SKAP1: variants seen among roughly 807,000 people sequenced by gnomAD.
The protein encoded by SKAP1 is src kinase associated phosphoprotein 1.
SKAP1 carries 44 observed loss-of-function variants against 58.5 expected under a neutral mutation model. That is an observed-to-expected ratio of 0.75 (90% CI 0.59 to 0.97). The LOEUF (loss-of-function observed/expected upper bound fraction) is 0.97. Ranked by LOEUF, SKAP1 falls within the 50% of genes least tolerant of loss-of-function variation. SKAP1 has a pLI of 0.00. For missense variants in SKAP1, 390 were observed against 435.2 expected, an observed-to-expected ratio of 0.90 and a Z score of 0.92; for synonymous variants, 127 against 149.7, an observed-to-expected ratio of 0.85 and a Z score of 1.11.
intron 6 of SKAP1, among the ~76,000 whole-genome samples, chr17:48,186,454 TTTTATTTA>T (rs58026898): frequency 0.26 from 37,880 of 148,414 alleles, 5,514 homozygotes; most frequent in African/African-American, 0.39. Flanking sequence ...AAGCTGCAGT[TTTTATTTA>T]TTTATTTATT....
intron 4 of SKAP1, among the ~76,000 whole-genome samples, chr17:48,325,598 C>T (rs1158010923): frequency 6.6e-6 from 1 of 152,132 alleles, no homozygotes; most frequent in Non-Finnish European, 1.5e-5. Context: ...AAAGAAAATG[C>T]TCCAAGCTGG....
intron 4 of SKAP1, among the ~76,000 whole-genome samples, chr17:48,312,395 A>G (rs1460762902): frequency 6.6e-6 from 1 of 152,256 alleles, no homozygotes; most frequent in Non-Finnish European, 1.5e-5. Flanking sequence ...GAACAATTTT[A>G]TAGAAAAGAA....
Position 48,217,730 on chromosome 17 carries a change from T to TA in SKAP1, c.281-28231dup, listed in dbSNP as rs923407592. Among the ~76,000 whole-genome samples the TA allele has an allele frequency of 2.6e-5, 4 of 151,914 alleles. No individual in the cohort carries two copies. In the South Asian group the frequency reaches 6.2e-4, roughly 24 times the overall value. On this transcript the variant is annotated intron_variant, in intron 4 of 12. Coordinates refer to ENST00000336915, the MANE Select transcript of SKAP1 (RefSeq NM_003726.4). The stretch of plus-strand genomic sequence containing the variant: ...TATCTCTTATCCAAAAGAAATTTGT[T>TA]AAAAAAAAATTTTAACAGCTCAAAC...
the SKAP1 span, among the ~76,000 whole-genome samples, chr17:48,441,156 A>C: frequency 6.6e-6 from 1 of 152,240 alleles, no homozygotes; most frequent in Non-Finnish European, 1.5e-5. Flanking sequence ...ATTTGGACTA[A>C]GATGAGATTC....
At position 48,163,792 on chromosome 17, in the gene SKAP1, G is replaced by A. The variant is rs534221570; in HGVS notation, c.878-1223C>T. On this transcript the variant is annotated intron_variant, in intron 10 of 12. Transcript: ENST00000336915. ...TTTTTTCTACTTATTCCTGACTTAC[G>A]AGCAATTTAAATAATAAAGGCACGG... is the stretch of plus-strand genomic sequence containing the variant. 3.9e-5 allele frequency among the ~76,000 whole-genome samples: 6 copies of A among 152,114 alleles called. No homozygotes were observed. The South Asian group carries it at 6.2e-4, about 16-fold the overall frequency.
chr17:48,390,948 G>A (rs1030644259), intron 2 of SKAP1, among the ~76,000 whole-genome samples: 2 of 152,000 alleles, frequency 1.3e-5, no homozygotes, highest in South Asian at 2.1e-4. Flanking sequence ...GGTGGTGCAC[G>A]CCTGTAGTCC....
At chr17:48,435,648 G>T in the SKAP1 span, among the ~76,000 whole-genome samples, 1 of 152,162 alleles carries the variant, frequency 6.6e-6, no homozygotes, top group Non-Finnish European at 1.5e-5. Context: ...CTTTTCATCT[G>T]TTATTTCAAA....
intron 4 of SKAP1, among the ~76,000 whole-genome samples, chr17:48,267,967 G>A (rs1263911322): frequency 6.6e-6 from 1 of 152,126 alleles, no homozygotes; most frequent in African/African-American, 2.4e-5. Flanking sequence ...GATGAGAAAA[G>A]CTAAAATCAG....
intron 12 of SKAP1, among the ~76,000 whole-genome samples, chr17:48,134,535 C>T (rs1346207846): frequency 1.3e-5 from 2 of 151,652 alleles, no homozygotes; most frequent in Admixed American, 1.3e-4. Flanking sequence ...TCAGGCTGGT[C>T]TCGAACTCCT....
At chr17:48,340,624 T>C (rs1053690179) in intron 4 of SKAP1, among the ~76,000 whole-genome samples, 3 of 152,066 alleles carry the variant, frequency 2.0e-5, no homozygotes, top group African/African-American at 7.2e-5. Flanking sequence ...CATTATAAAG[T>C]AATAAAATCT....
intron 3 of SKAP1, among the ~76,000 whole-genome samples, chr17:48,357,124 A>T (rs953564553): frequency 2.4e-4 from 37 of 152,200 alleles, no homozygotes; most frequent in African/African-American, 8.9e-4. Flanking sequence ...AAACAATGCT[A>T]TCATGAACAT....
At chr17:48,161,775 G>T (rs1397535624) in intron 11 of SKAP1, among the ~76,000 whole-genome samples, 1 of 152,030 alleles carries the variant, frequency 6.6e-6, no homozygotes, top group Admixed American at 6.6e-5. Context: ...TTACAGTCTT[G>T]TTTATCTATA....
At position 48,333,477 on chromosome 17, in the gene SKAP1, T is replaced by C. The variant is rs769557036; in HGVS notation, c.280+12428A>G. Reference sequence around the variant, plus strand: ...ACTGCACTGGAATTGATAGGAACTTTTCCACCATTTGTCCTAAATTTCTTT... The same window carrying C: ...ACTGCACTGGAATTGATAGGAACTTCTCCACCATTTGTCCTAAATTTCTTT... On this transcript the variant is annotated intron_variant, in intron 4 of 12. Coordinates refer to ENST00000336915, the MANE Select transcript of SKAP1 (RefSeq NM_003726.4). Among the ~76,000 whole-genome samples the C allele has an allele frequency of 7.1e-4, 108 of 152,264 alleles. 1 individual carries two copies. The highest frequency in any genetic ancestry group is 3.4e-3 in the Middle Eastern group (1 of 294).
At chr17:48,184,980 G>T (rs527641306) in intron 6 of SKAP1, 133 bp from the exon 7 acceptor site, 3 of 836,570 alleles carry the variant, frequency 3.6e-6, no homozygotes, top group African/African-American at 1.7e-5. Flanking sequence ...TCAAGGAAAG[G>T]TTATTAGAGA....
intron 4 of SKAP1, among the ~76,000 whole-genome samples, chr17:48,273,195 T>G (rs1344631481): frequency 6.6e-6 from 1 of 152,216 alleles, no homozygotes; most frequent in Non-Finnish European, 1.5e-5. Context: ...CTTTGATATC[T>G]ATTACACTCC....
intron 4 of SKAP1, among the ~76,000 whole-genome samples, chr17:48,227,355 T>C (rs886490773): frequency 1.3e-5 from 2 of 152,212 alleles, no homozygotes; most frequent in African/African-American, 4.8e-5. Flanking sequence ...GTCTGCAGAA[T>C]GGGTAGGCTA....
At chr17:48,161,436 T>C (rs2064067510) in intron 11 of SKAP1, among the ~76,000 whole-genome samples, 1 of 152,226 alleles carries the variant, frequency 6.6e-6, no homozygotes, top group Non-Finnish European at 1.5e-5. Context: ...CAGAGCCTAT[T>C]ATTTTAGCCC....
At chr17:48,152,027 A>T in intron 11 of SKAP1, among the ~76,000 whole-genome samples, 1 of 152,216 alleles carries the variant, frequency 6.6e-6, no homozygotes, top group Admixed American at 6.5e-5. Context: ...TTTTTGTTCA[A>T]ATCTGAGGAT....
At chr17:48,294,238 C>A (rs2065934999) in intron 4 of SKAP1, 1 of 152,160 alleles carries the variant, frequency 6.6e-6, no homozygotes, top group Admixed American at 6.5e-5. Context: ...GGAAAGATAA[C>A]CTCTGTTTGA....
Sources: gnomAD v4.1 joint callset for allele counts (sites outside exome capture counted in the v4.1 genomes callset) on GRCh38, gnomAD v4.1.1 for gene constraint, MANE v1.5 for transcripts, NCBI Gene and HGNC (gene_info 2026-07-23, HGNC 2026-07-21) for gene names.